KLRG2: variants seen among roughly 807,000 people sequenced by gnomAD.
KLRG2 encodes the protein killer cell lectin-like receptor subfamily G member 2.
Under a neutral mutation model 35.4 loss-of-function variants are expected in KLRG2, and 39 were observed. That is an observed-to-expected ratio of 1.10 (90% CI 0.85 to 1.44). KLRG2 has a LOEUF of 1.44. KLRG2 is among the 40% of genes most tolerant of loss of function. The pLI is 0.00. For synonymous variants in KLRG2, 283 were observed against 265.8 expected (o/e 1.06, Z -0.63); for missense variants, 632 against 570.9 (o/e 1.11, Z -1.09).
At chr7:139,467,346 T>G (rs1197851368) in intron 3 of KLRG2, among the ~76,000 whole-genome samples, 1 of 152,176 alleles carries the variant, frequency 6.6e-6, no homozygotes, top group Admixed American at 6.5e-5. Context: ...TGCACATATA[T>G]ATACATCCAG....
the KLRG2 span, among the ~76,000 whole-genome samples, chr7:139,446,241 G>A: frequency 3.3e-5 from 5 of 151,338 alleles, no homozygotes; most frequent in Non-Finnish European, 7.4e-5. Context: ...GAGGCCAGAA[G>A]TCTGCAGTCT....
intron 3 of KLRG2, among the ~76,000 whole-genome samples, chr7:139,478,662 A>C (rs1185243986): frequency 6.6e-6 from 1 of 152,000 alleles, no homozygotes; most frequent in African/African-American, 2.4e-5. Context: ...AGAGTGAGAC[A>C]CAACACATAA....
the KLRG2 span, among the ~76,000 whole-genome samples, chr7:139,442,515 C>T: frequency 6.6e-6 from 1 of 152,124 alleles, no homozygotes; most frequent in Non-Finnish European, 1.5e-5. Context: ...AGTTCAAGAC[C>T]AGACTGGGCT....
rs1796992279 is a variant in KLRG2, at chr7:139,483,052, G to T, written c.591C>A (p.Cys197Ter). 2 of 1,375,460 alleles carry T rather than the reference G, an allele frequency of 1.5e-6. No homozygotes were observed. Among genetic ancestry groups the T allele is most frequent in the South Asian group, 3.4e-5 (2 of 58,546 alleles). The allele number at this position is 1,375,460 out of a possible 1,614,324, so 85.2% of individuals were successfully genotyped here. The change falls in exon 1 of 5, where the codon TGC becomes TGA. Residue 197 changes from cysteine (C) to a stop codon, truncating the protein, a stop_gained. Transcript: ENST00000340940. LOFTEE classifies it high-confidence loss of function. ...PLAAARTESGCDAEGRASPAE... is the reference protein window; with the variant it reads ...PLAAARTESG ...CGGGGCTGGCCCGGCCCTCTGCGTC[G>T]CAGCCGCTCTCCGTCCGGGCTGCAG...
At chr7:139,445,801 A>ATATATATATG in the KLRG2 span, among the ~76,000 whole-genome samples, 1 of 131,322 alleles carries the variant, frequency 7.6e-6, no homozygotes, top group African/African-American at 4.0e-5. Context: ...ATGTGTGTAT[A>ATATATATATG]TATATATGAC....
chr7:139,450,876 G>A (rs1796367939), downstream of KLRG2, among the ~76,000 whole-genome samples: 1 of 152,166 alleles, frequency 6.6e-6, no homozygotes, highest in South Asian at 2.1e-4. Flanking sequence ...TGTGGCCCAT[G>A]TGACACTGGG....
downstream of KLRG2, among the ~76,000 whole-genome samples, chr7:139,452,342 C>A (rs1042616343): frequency 6.6e-6 from 1 of 152,130 alleles, no homozygotes; most frequent in African/African-American, 2.4e-5. Flanking sequence ...GGAGAAATTT[C>A]TAATGTAGAT....
At chr7:139,432,517 C>T in the KLRG2 span, among the ~76,000 whole-genome samples, 3 of 149,152 alleles carry the variant, frequency 2.0e-5, no homozygotes, top group Admixed American at 6.7e-5. Flanking sequence ...GGTCATTCCT[C>T]GGTATCTATG....
intron 3 of KLRG2, among the ~76,000 whole-genome samples, chr7:139,476,668 G>A (rs924558882): frequency 6.6e-6 from 1 of 152,050 alleles, no homozygotes; most frequent in Non-Finnish European, 1.5e-5. Flanking sequence ...TTGAACTCCC[G>A]ACTGCAGGTG....
At chr7:139,477,222 G>C (rs1357411594) in intron 3 of KLRG2, among the ~76,000 whole-genome samples, 2 of 151,964 alleles carry the variant, frequency 1.3e-5, no homozygotes, top group Non-Finnish European at 2.9e-5. Flanking sequence ...CTCACTTCTG[G>C]GTATATACTC....
At chr7:139,428,198 A>AT in the KLRG2 span, among the ~76,000 whole-genome samples, 1 of 152,132 alleles carries the variant, frequency 6.6e-6, no homozygotes, top group Non-Finnish European at 1.5e-5. Context: ...ATTGTAACAG[A>AT]TAAAAAACCG....
chr7:139,436,108 G>C, the KLRG2 span, among the ~76,000 whole-genome samples: 1 of 152,086 alleles, frequency 6.6e-6, no homozygotes, highest in East Asian at 1.9e-4. Flanking sequence ...TCACCATGTT[G>C]GCCAGGCTGG....
chr7:139,456,677 G>C (rs916710194), intron 3 of KLRG2, among the ~76,000 whole-genome samples: 2 of 152,130 alleles, frequency 1.3e-5, no homozygotes, highest in Admixed American at 1.3e-4. Flanking sequence ...TTAAGAGACA[G>C]GATCTCACTA....
intron 3 of KLRG2, among the ~76,000 whole-genome samples, chr7:139,467,644 C>T (rs972160277): frequency 6.5e-4 from 91 of 140,544 alleles, no homozygotes; most frequent in African/African-American, 2.6e-3. Flanking sequence ...GCAGCATGCT[C>T]GTTAAGAGTC....
At chr7:139,451,921 C>T (rs1244860209), downstream of KLRG2, among the ~76,000 whole-genome samples, 1 of 151,754 alleles carries the variant, frequency 6.6e-6, no homozygotes, top group Admixed American at 6.6e-5. Context: ...GCGCCTGCCC[C>T]ACGTGAGCCA....
chr7:139,470,322 T>C (rs1480959857), intron 3 of KLRG2, among the ~76,000 whole-genome samples: 1 of 152,090 alleles, frequency 6.6e-6, no homozygotes, highest in African/African-American at 2.4e-5. Flanking sequence ...CCTCCCGAAT[T>C]GCTGGGATTA....
chr7:139,483,559 C>T lies in KLRG2; in HGVS notation c.84G>A (p.Thr28=). 6.3e-7 allele frequency: 1 copy of T among 1,598,668 alleles called. No individual in the cohort carries two copies. Among genetic ancestry groups the T allele is most frequent in the Non-Finnish European group, 8.5e-7 (1 of 1,178,908 alleles). ...TCGCGGGCACCTGCGGCTGCTCCAGCGTGGGGACCAGGCTTCCCACGGGCT... is the reference window on the plus strand; with the variant it reads ...TCGCGGGCACCTGCGGCTGCTCCAGTGTGGGGACCAGGCTTCCCACGGGCT... ...PMEPVGSLVP[T]LEQPQVPAKV... is the part of the protein sequence containing the mutation. The change falls in exon 1 of 5, where the codon ACG becomes ACA. Residue 28 remains threonine, a synonymous_variant. Coordinates refer to ENST00000340940, the MANE Select transcript of KLRG2 (RefSeq NM_198508.4).
the KLRG2 span, among the ~76,000 whole-genome samples, chr7:139,431,872 A>C: frequency 6.6e-6 from 1 of 152,146 alleles, no homozygotes. Flanking sequence ...AAGGGTTAGA[A>C]GCTATTTTTA....
chr7:139,454,779 G>A (rs971302931), intron 3 of KLRG2, among the ~76,000 whole-genome samples: 1 of 150,926 alleles, frequency 6.6e-6, no homozygotes, highest in Non-Finnish European at 1.5e-5. Context: ...TTGCGCCACT[G>A]CATTCCAGCC....
Sources: allele counts gnomAD v4.1 joint callset (sites outside exome capture counted in the v4.1 genomes callset), GRCh38; gene constraint gnomAD v4.1.1; transcripts MANE v1.5; gene names NCBI Gene and HGNC (gene_info 2026-07-23, HGNC 2026-07-21).